MAGEB1: variants seen among roughly 807,000 people sequenced by gnomAD.
MAGEB1 encodes the protein MAGE family member B1.
For missense variants in MAGEB1, 290 were observed against 286.7 expected, an observed-to-expected ratio of 1.01 and a Z score of -0.08; for synonymous variants, 99 against 105.7, an observed-to-expected ratio of 0.94 and a Z score of 0.39.
In MAGEB1 at chrX:30,250,944, A is replaced by G. The variant is rs766786258; in HGVS notation, c.451A>G (p.Asn151Asp). 1 of 1,209,425 alleles carries G rather than the reference A, an allele frequency of 8.3e-7. No individual in the cohort carries two copies. Among genetic ancestry groups the G allele is most frequent in the Non-Finnish European group, 1.1e-6 (1 of 894,435 alleles). ...KYKDHFTEIL[N>D]GASRRLELVF... ...CAAGGATCACTTCACTGAGATCCTC[A>G]ATGGAGCCTCTCGCCGCTTGGAGCT... The change falls in exon 2 of 2, where the codon AAT becomes GAT. Residue 151 changes from asparagine (N) to aspartate (D), a missense_variant. Physicochemically the swap from Asn to Asp is conservative, Grantham distance 23 (BLOSUM62 1). Transcript: ENST00000397548.
chrX:30,250,092 C>T (rs945579219), intron 1 of MAGEB1, among the ~76,000 whole-genome samples: 2 of 111,631 alleles, frequency 1.8e-5, no homozygotes, highest in Non-Finnish European at 3.8e-5. Context: ...GCCCAGCCCC[C>T]GGTAAGGATG....
upstream of MAGEB1, among the ~76,000 whole-genome samples, chrX:30,245,537 A>G (rs771985141): frequency 3.2e-4 from 36 of 111,714 alleles, no homozygotes; most frequent in Non-Finnish European, 5.5e-4. Flanking sequence ...GAATTCCTCT[A>G]GAGCCCACAC....
rs746278765 is a variant in MAGEB1, at chrX:30,251,180, C to G, written c.687C>G (p.Ala229=). ...EIWKFMNVLG[A]YDGEEHLIYG... ...GGAAATTCATGAATGTGTTGGGAGC[C>G]TATGATGGAGAGGAGCACTTAATCT... Residue 229 remains alanine, a synonymous_variant, in exon 2 of 2, where the codon GCC becomes GCG. Transcript: ENST00000397548. 2 of 1,211,691 alleles carry G rather than the reference C, an allele frequency of 1.7e-6. No homozygotes were observed. The highest frequency in any genetic ancestry group is 3.5e-5 in the South Asian group (2 of 56,935).
At chrX:30,245,366 C>A (rs1402787456), upstream of MAGEB1, among the ~76,000 whole-genome samples, 2 of 112,089 alleles carry the variant, frequency 1.8e-5, no homozygotes, top group South Asian at 7.5e-4. Flanking sequence ...TCTCAATGCA[C>A]ACCAGGGCTT....
chrX:30,251,248 A>C lies in MAGEB1; in HGVS notation c.755A>C (p.Glu252Ala), dbSNP rs762824125. 3.0e-5 allele frequency: 36 copies of C among 1,210,634 alleles called. No individual in the cohort carries two copies. The highest frequency in any genetic ancestry group is 4.0e-5 in the Non-Finnish European group (36 of 895,356). ...TTCATCACCCAAGATCTGGTGCAGGAAAAATATCTGAAGTACGAGCAGGTG... is the reference window on the plus strand; with the variant it reads ...TTCATCACCCAAGATCTGGTGCAGGCAAAATATCTGAAGTACGAGCAGGTG... ...RKFITQDLVQ[E>A]KYLKYEQVPN... Residue 252 changes from glutamate to alanine, a missense_variant, in exon 2 of 2, where the codon GAA (glutamate) becomes GCA (alanine). Coordinates refer to ENST00000397548, the MANE Select transcript of MAGEB1 (RefSeq NM_177404.3).
At chrX:30,247,868 C>A (rs2856737) in intron 1 of MAGEB1, among the ~76,000 whole-genome samples, 41,297 of 102,397 alleles carry the variant, frequency 0.4, 6,659 homozygotes, top group East Asian at 0.54. Context: ...GGCGTGAACC[C>A]GGGAAGCGGA....
chrX:30,245,540 GCCCACA>G (rs1925278555), upstream of MAGEB1, among the ~76,000 whole-genome samples: 1 of 111,535 alleles, frequency 9.0e-6, no homozygotes, highest in South Asian at 3.8e-4. Context: ...TTCCTCTAGA[GCCCACA>G]CTGTTCCACT....
chrX:30,248,119 G>A (rs997551757), intron 1 of MAGEB1, among the ~76,000 whole-genome samples: 1 of 110,780 alleles, frequency 9.0e-6, no homozygotes, highest in African/African-American at 3.3e-5. Flanking sequence ...GTCCCAGAAA[G>A]AGTGCTGAGT....
chrX:30,243,760 G>A (rs1015391683), upstream of MAGEB1: 1 of 124,333 alleles, frequency 8.0e-6, no homozygotes, highest in African/African-American at 3.2e-5. Flanking sequence ...GCATGTTTCA[G>A]TGTGGTGTCC....
At position 30,251,783 on chromosome X, in the gene MAGEB1, T is replaced by C; in HGVS notation, c.*246T>C. On this transcript the variant is annotated 3_prime_UTR_variant, in exon 2 of 2. Coordinates refer to ENST00000397548, the MANE Select transcript of MAGEB1 (RefSeq NM_177404.3). ...GCTTTAAGCATATGAGTTTTGATATTCTATATTTTTCAAATCCTTGAATCT... is the reference window on the plus strand; with the variant it reads ...GCTTTAAGCATATGAGTTTTGATATCCTATATTTTTCAAATCCTTGAATCT... 3.1e-6 allele frequency: 1 copy of C among 319,593 alleles called. No homozygotes were observed. The allele number at this position is 319,593 out of a possible 1,213,427, so 26.3% of individuals were successfully genotyped here.
chrX:30,248,471 A>G (rs1297049138), intron 1 of MAGEB1, among the ~76,000 whole-genome samples: 1 of 112,197 alleles, frequency 8.9e-6, no homozygotes, highest in Non-Finnish European at 1.9e-5. Flanking sequence ...GATGCCCCTC[A>G]TTTCCTTCAG....
intron 1 of MAGEB1, among the ~76,000 whole-genome samples, chrX:30,248,450 T>C (rs1925402526): frequency 8.9e-6 from 1 of 112,359 alleles, no homozygotes; most frequent in Non-Finnish European, 1.9e-5. Flanking sequence ...GGGTTAGAAC[T>C]CTCAAGTTGA....
At chrX:30,247,772 G>A (rs895390946) in intron 1 of MAGEB1, among the ~76,000 whole-genome samples, 7 of 109,370 alleles carry the variant, frequency 6.4e-5, no homozygotes, top group Non-Finnish European at 5.7e-5. Flanking sequence ...GTGAAACCCC[G>A]TCTCTACTAA....
chrX:30,248,045 A>C (rs1410284708), intron 1 of MAGEB1, among the ~76,000 whole-genome samples: 1 of 109,437 alleles, frequency 9.1e-6, no homozygotes, highest in Non-Finnish European at 1.9e-5. Flanking sequence ...CTGTGAACTT[A>C]GGTCCAAGGA....
chrX:30,249,378 C>T (rs908843745), intron 1 of MAGEB1, among the ~76,000 whole-genome samples: 30 of 111,712 alleles, frequency 2.7e-4, no homozygotes, highest in African/African-American at 8.8e-4. Flanking sequence ...GAACTCCCAC[C>T]TCATCAGTGG....
chrX:30,250,956 C>G lies in MAGEB1; in HGVS notation c.463C>G (p.Arg155Gly). 1 of 1,211,313 alleles carries G rather than the reference C, an allele frequency of 8.3e-7. No homozygotes were observed. Among genetic ancestry groups the G allele is most frequent in the Non-Finnish European group, 1.1e-6 (1 of 895,081 alleles). ...CACTGAGATCCTCAATGGAGCCTCT[C>G]GCCGCTTGGAGCTCGTCTTTGGCCT... ...HFTEILNGAS[R>G]RLELVFGLDL... Residue 155 changes from arginine (R) to glycine (G), a missense_variant, in exon 2 of 2, where the codon CGC becomes GGC. Coordinates refer to ENST00000397548, the MANE Select transcript of MAGEB1 (RefSeq NM_177404.3).
At chrX:30,249,734 A>C (rs1015932608) in intron 1 of MAGEB1, among the ~76,000 whole-genome samples, 1 of 111,594 alleles carries the variant, frequency 9.0e-6, no homozygotes, top group Non-Finnish European at 1.9e-5. Context: ...AGGTGTAGAG[A>C]GAACAGAGCC....
intron 1 of MAGEB1, among the ~76,000 whole-genome samples, chrX:30,249,483 A>T (rs1191217322): frequency 9.0e-6 from 1 of 110,960 alleles, no homozygotes; most frequent in Non-Finnish European, 1.9e-5. Context: ...GTAACAGGGA[A>T]ATGAAGGTCT....
rs766373792 is a variant in MAGEB1 at position 30,251,264 on chromosome X, C to A, written c.771C>A (p.Tyr257Ter). The A allele has an allele frequency of 8.3e-6, 10 of 1,211,982 alleles. No homozygotes were observed. The highest frequency in any genetic ancestry group is 1.7e-5 in the African/African-American group (1 of 57,830). Residue 257 changes from tyrosine (Y) to a stop codon, truncating the protein, a stop_gained, in exon 2 of 2, where the codon TAC (tyrosine) becomes TAA (stop). Coordinates refer to ENST00000397548, the MANE Select transcript of MAGEB1 (RefSeq NM_177404.3). LOFTEE classifies it low-confidence loss of function (END_TRUNC). ...TGGTGCAGGAAAAATATCTGAAGTA[C>A]GAGCAGGTGCCCAACAGTGATCCCC... The part of the protein sequence containing the change: ...QDLVQEKYLK[Y>*]EQVPNSDPPR...
Sources: allele counts gnomAD v4.1 joint callset (sites outside exome capture counted in the v4.1 genomes callset), GRCh38; gene constraint gnomAD v4.1.1; transcripts MANE v1.5; gene names NCBI Gene and HGNC (gene_info 2026-07-23, HGNC 2026-07-21).